The following IL18R1 variants were observed in gnomAD, a reference collection of about 807,000 sequenced individuals.
The protein encoded by IL18R1 is interleukin-18 receptor 1.
Under a neutral mutation model 48.5 loss-of-function variants are expected in IL18R1, and 40 were observed. The ratio of observed to expected loss-of-function variants is 0.82; its 90% CI spans 0.64 to 1.07. IL18R1 has a LOEUF of 1.07. Among genes scored for constraint, IL18R1 ranks in the 50% least tolerant of loss-of-function variants. The pLI is 0.00. For missense variants in IL18R1, 596 were observed against 633.7 expected (o/e 0.94, Z 0.64); for synonymous variants, 232 against 225.9 (o/e 1.03, Z -0.24).
Position 102,372,017 on chromosome 2 carries a change from A to G in IL18R1, c.367A>G (p.Arg123Gly). 6.3e-7 allele frequency: 1 copy of G among 1,594,188 alleles called. No individual in the cohort carries two copies. The highest frequency in any genetic ancestry group is 8.6e-7 in the Non-Finnish European group (1 of 1,166,220). The change falls in exon 4 of 11, where the codon AGA becomes GGA. Residue 123 changes from arginine (R) to glycine (G), a missense_variant. By Grantham distance (125) the Arg-to-Gly change is moderately radical. Coordinates refer to ENST00000233957, the MANE Select transcript of IL18R1 (RefSeq NM_003855.5). ...RRNKHSCFTE[R>G]QVTSKIVEVK... ...AAATAAACACAGCTGTTTCACTGAAAGACAAGTAACTAGTAAAATTGTGGA... is the reference window on the plus strand; with the variant it reads ...AAATAAACACAGCTGTTTCACTGAAGGACAAGTAACTAGTAAAATTGTGGA...
intron 7 of IL18R1, among the ~76,000 whole-genome samples, chr2:102,386,489 C>T (rs1680234867): frequency 6.6e-6 from 1 of 152,168 alleles, no homozygotes; most frequent in South Asian, 2.1e-4. Flanking sequence ...AACTTACAGC[C>T]TTGTCATAAT....
At chr2:102,377,393 C>A (rs920720641) in intron 5 of IL18R1, among the ~76,000 whole-genome samples, 3 of 152,224 alleles carry the variant, frequency 2.0e-5, no homozygotes, top group Admixed American at 6.5e-5. Context: ...GGGCTCACTG[C>A]AAGCTCCGCC....
intron 9 of IL18R1, among the ~76,000 whole-genome samples, chr2:102,390,889 C>T (rs759278918): frequency 6.8e-6 from 1 of 147,668 alleles, no homozygotes; most frequent in East Asian, 2.0e-4. Context: ...GAGTCGGGAT[C>T]GCGCCGCTGC....
At chr2:102,378,472 G>A (rs1559626221) in intron 5 of IL18R1, among the ~76,000 whole-genome samples, 1 of 152,176 alleles carries the variant, frequency 6.6e-6, no homozygotes, top group Non-Finnish European at 1.5e-5. Context: ...TGCAGCACAA[G>A]CTATTCTTCT....
chr2:102,371,496 G>T (rs1036938340), intron 3 of IL18R1, among the ~76,000 whole-genome samples: 5 of 152,148 alleles, frequency 3.3e-5, no homozygotes, highest in African/African-American at 1.2e-4. Context: ...GGAAGAAGTT[G>T]CCTTGAGAAA....
intron 6 of IL18R1, 100 bp downstream of exon 6, chr2:102,381,782 C>T (rs1179187819): frequency 2.8e-5 from 22 of 777,412 alleles, no homozygotes; most frequent in Middle Eastern, 2.8e-4. Context: ...ACTGGATACA[C>T]ATTTCATATT....
chr2:102,363,624 C>T (rs189345106), intron 2 of IL18R1, among the ~76,000 whole-genome samples: 344 of 152,242 alleles, frequency 2.3e-3, no homozygotes, highest in Admixed American at 6.3e-3. Context: ...CACTAATAGC[C>T]TTACTCCTCA....
At position 102,386,871 on chromosome 2, in the gene IL18R1, G is replaced by A; in HGVS notation, c.820G>A (p.Gly274Ser). The change falls in exon 8 of 11, where the codon GGC becomes AGC. Residue 274 changes from glycine (G) to serine (S), a missense_variant. This residue lies in a region of IL18R1 where 360 missense variants were observed against 339.4 expected (regional missense o/e 1.06). Transcript: ENST00000233957. The part of the protein sequence containing the change: ...EKEMRIMTPE[G>S]KWHASKVLRI... ...TTTGCCCTCTTACAGGACTCCAGAA[G>A]GCAAATGGCATGCTTCAAAAGTATT... 6.2e-7 allele frequency: 1 copy of A among 1,614,166 alleles called. No individual in the cohort carries two copies. The highest frequency in any genetic ancestry group is 1.1e-5 in the South Asian group (1 of 91,068).
intron 2 of IL18R1, among the ~76,000 whole-genome samples, chr2:102,364,732 A>C (rs1009012761): frequency 6.6e-6 from 1 of 152,198 alleles, no homozygotes; most frequent in Non-Finnish European, 1.5e-5. Context: ...TAATTTATAA[A>C]GGAAAGAGAC....
At chr2:102,369,529 G>A (rs1679123825) in intron 3 of IL18R1, among the ~76,000 whole-genome samples, 1 of 152,212 alleles carries the variant, frequency 6.6e-6, no homozygotes, top group Admixed American at 6.5e-5. Context: ...GTTGAGGAGA[G>A]AAGCAGCTTT....
chr2:102,357,294 A>C (rs1159309682), intron 1 of IL18R1, among the ~76,000 whole-genome samples: 1 of 152,112 alleles, frequency 6.6e-6, no homozygotes, highest in Non-Finnish European at 1.5e-5. Flanking sequence ...GATCGAGACC[A>C]TCCTGGCTAA....
chr2:102,396,558 T>C lies in IL18R1; in HGVS notation c.1298T>C (p.Ile433Thr), dbSNP rs751955739. 6.2e-6 allele frequency: 10 copies of C among 1,604,488 alleles called. No individual in the cohort carries two copies. The highest frequency in any genetic ancestry group is 7.7e-6 in the Non-Finnish European group (9 of 1,175,916). ...GTTGTTGATGAAATCCACTCACTGATAGAGAAAAGCCGAAGACTAATCATT... is the reference window on the plus strand; with the variant it reads ...GTTGTTGATGAAATCCACTCACTGACAGAGAAAAGCCGAAGACTAATCATT... ...GAVVDEIHSL[I>T]EKSRRLIIVL... The change falls in exon 11 of 11, where the codon ATA becomes ACA. Residue 433 changes from isoleucine (I) to threonine (T), a missense_variant. Physicochemically the swap from Ile to Thr is moderately conservative, Grantham distance 89 (BLOSUM62 -1). This residue lies in a region of IL18R1 where 179 missense variants were observed against 206.1 expected (regional missense o/e 0.87). Transcript: ENST00000233957.
chr2:102,393,740 AC>A (rs1346706619), intron 9 of IL18R1, among the ~76,000 whole-genome samples: 1 of 152,026 alleles, frequency 6.6e-6, no homozygotes, highest in Admixed American at 6.5e-5. Flanking sequence ...ATTCCCCACT[AC>A]TTTCCTTCTT....
intron 1 of IL18R1, among the ~76,000 whole-genome samples, chr2:102,361,820 C>T (rs1221274755): frequency 6.6e-6 from 1 of 152,158 alleles, no homozygotes; most frequent in African/African-American, 2.4e-5. Context: ...CCTTCCTCCA[C>T]TGGGCTCAAA....
Position 102,381,604 on chromosome 2 carries a change from C to G in IL18R1, c.626-16C>G, listed in dbSNP as rs1053355342. 6.2e-7 allele frequency: 1 copy of G among 1,604,506 alleles called. No individual in the cohort carries two copies. Among genetic ancestry groups the G allele is most frequent in the Non-Finnish European group, 8.5e-7 (1 of 1,171,604 alleles). On this transcript the variant is annotated splice_polypyrimidine_tract_variant and intron_variant, in intron 5 of 10. Coordinates refer to ENST00000233957, the MANE Select transcript of IL18R1 (RefSeq NM_003855.5). ...GGCAACACTAATACATTTGTCTTTT[C>G]TTTTGTCACTTCTAGATCGCAGTAA...
intron 5 of IL18R1, among the ~76,000 whole-genome samples, chr2:102,378,580 T>C (rs1679733453): frequency 6.6e-6 from 1 of 152,252 alleles, no homozygotes; most frequent in South Asian, 2.1e-4. Flanking sequence ...CATGCCCCCA[T>C]GGCCTCTTGT....
Position 102,390,100 on chromosome 2 carries a change from A to G in IL18R1, c.994A>G (p.Ile332Val), listed in dbSNP as rs1680477010. The G allele has an allele frequency of 1.2e-6, 2 of 1,613,930 alleles. No individual in the cohort carries two copies. Among genetic ancestry groups the G allele is most frequent in the African/African-American group, 1.3e-5 (1 of 74,880 alleles). ...IPGHVFTRGM[I>V]IAVLILVAVV... ...AGGCCACGTCTTCACAAGAGGAATG[A>G]TCATAGCTGTTTTGATCTTGGTGGC... Residue 332 changes from isoleucine to valine, a missense_variant, in exon 9 of 11, where the codon ATC (isoleucine) becomes GTC (valine). Physicochemically the swap from Ile to Val is conservative, Grantham distance 29. Around this residue, in one of 3 missense-constraint regions of IL18R1, gnomAD observed 57 missense variants for 88.2 expected, o/e 0.65. Transcript: ENST00000233957.
At chr2:102,371,478 A>G (rs1445204682) in intron 3 of IL18R1, among the ~76,000 whole-genome samples, 1 of 152,240 alleles carries the variant, frequency 6.6e-6, no homozygotes, top group Non-Finnish European at 1.5e-5. Context: ...CAGTAAAAGA[A>G]GGGGATTGGA....
In IL18R1 at chr2:102,386,935, T is replaced by C. The variant is rs374643275; in HGVS notation, c.884T>C (p.Leu295Ser). Residue 295 changes from leucine to serine, a missense_variant, in exon 8 of 11, where the codon TTA becomes TCA. Leu to Ser is a moderately radical substitution (Grantham distance 145). Transcript: ENST00000233957. ...ENIGESNLNV[L>S]YNCTVASTGG... ...ATTGGTGAAAGCAATCTAAATGTTTTATATAATTGCACTGTGGCCAGCACG... is the reference window on the plus strand; with the variant it reads ...ATTGGTGAAAGCAATCTAAATGTTTCATATAATTGCACTGTGGCCAGCACG... 1 of 1,613,936 alleles carries C rather than the reference T, an allele frequency of 6.2e-7. No homozygotes were observed. Among genetic ancestry groups the C allele is most frequent in the Non-Finnish European group, 8.5e-7 (1 of 1,179,880 alleles).
Sources: gnomAD v4.1 joint callset for allele counts (sites outside exome capture counted in the v4.1 genomes callset) on GRCh38, gnomAD v4.1.1 for gene constraint, gnomAD v4.1.1 regional missense constraint, MANE v1.5 for transcripts, NCBI Gene and HGNC (gene_info 2026-07-23, HGNC 2026-07-21) for gene names.